Variants in TDP1 observed in about 807,000 individuals in gnomAD.
TDP1 encodes tyrosyl-DNA phosphodiesterase 1, also known as tyr-DNA phosphodiesterase 1.
Under a neutral mutation model 81.5 loss-of-function variants are expected in TDP1, and 64 were observed. The observed-to-expected ratio is 0.79, with a 90% CI of 0.64 to 0.97. The LOEUF is 0.97. Among genes scored for constraint, TDP1 ranks in the 50% least tolerant of loss-of-function variants. The probability of loss-of-function intolerance (pLI) is 0.00; values close to 1 mark genes in which losing one functional copy is unlikely to be tolerated. For missense variants in TDP1, 723 were observed against 743.8 expected, an observed-to-expected ratio of 0.97 and a Z score of 0.33; for synonymous variants, 256 against 264.3, an observed-to-expected ratio of 0.97 and a Z score of 0.30.
intron 1 of TDP1, chr14:89,956,284 T>G (rs1370388170): frequency 2.6e-5 from 4 of 152,262 alleles, no homozygotes; most frequent in African/African-American, 9.6e-5. Context: ...TACAGGTGCG[T>G]GGTCCCAGAA....
chr14:90,011,419 G>A (rs182266987), intron 14 of TDP1, among the ~76,000 whole-genome samples: 37 of 152,288 alleles, frequency 2.4e-4, no homozygotes, highest in African/African-American at 8.9e-4. Flanking sequence ...GGGAAAGTGG[G>A]AACTTCCTAG....
chr14:90,006,685 C>T (rs1897724230), intron 14 of TDP1, among the ~76,000 whole-genome samples: 4 of 151,980 alleles, frequency 2.6e-5, no homozygotes, highest in Admixed American at 2.0e-4. Context: ...TACAGGTGCC[C>T]GCGACCAAGC....
chr14:89,963,452 A>G lies in TDP1; in HGVS notation c.338A>G (p.Glu113Gly), dbSNP rs756683358. The change falls in exon 3 of 17, where the codon GAG becomes GGG. Residue 113 changes from glutamate (E) to glycine (G), a missense_variant. By Grantham distance (98) the Glu-to-Gly change is moderately conservative. Transcript: ENST00000335725. ...KQAEKVVIKK[E>G]KDISAPNDGT... ...GCTGAGAAAGTGGTGATCAAAAAGG[A>G]GAAAGACATCTCTGCTCCCAATGAC... 3 of 1,613,166 alleles carry G rather than the reference A, an allele frequency of 1.9e-6. No homozygotes were observed. The highest frequency in any genetic ancestry group is 3.3e-5 in the Admixed American group (2 of 59,896).
Position 89,975,823 on chromosome 14 carries a change from C to CT in TDP1, c.791+13dup, listed in dbSNP as rs1297967044. 1 of 1,610,466 alleles carries CT rather than the reference C, an allele frequency of 6.2e-7. No individual in the cohort carries two copies. The highest frequency in any genetic ancestry group is 1.3e-5 in the African/African-American group (1 of 74,846). On this transcript the variant is annotated intron_variant, in intron 7 of 16. Coordinates refer to ENST00000335725, the MANE Select transcript of TDP1 (RefSeq NM_018319.4). ...GTTTGGAACACACCACACGTAAGCACTTTTTGTGAAATAGGGGAACCCCTC... is the reference window on the plus strand; with the variant it reads ...GTTTGGAACACACCACACGTAAGCACTTTTTTGTGAAATAGGGGAACCCCTC...
chr14:90,029,397 C>G (rs981529714), intron 15 of TDP1, among the ~76,000 whole-genome samples: 15 of 151,866 alleles, frequency 9.9e-5, no homozygotes, highest in African/African-American at 3.4e-4. Context: ...TGGGGTTTCT[C>G]CGTGTTGGCC....
Position 89,963,058 on chromosome 14 carries a change from C to T in TDP1, c.-7-50C>T. ...GTTGAGAGCAATAAAGTTATTTTGC[C>T]AATGCCCTGATGAATGGGAAATGCT... On this transcript the variant is annotated intron_variant, in intron 2 of 16. Transcript: ENST00000335725. The T allele has an allele frequency of 2.5e-6, 4 of 1,613,606 alleles. No homozygotes were observed. The South Asian group carries it at 4.4e-5, about 18-fold the overall frequency.
chr14:89,992,529 T>C (rs1289143917), intron 13 of TDP1, among the ~76,000 whole-genome samples: 1 of 152,194 alleles, frequency 6.6e-6, no homozygotes, highest in Non-Finnish European at 1.5e-5. Flanking sequence ...TCTCAACAGG[T>C]GTTTGCTGTG....
intron 14 of TDP1, among the ~76,000 whole-genome samples, chr14:90,006,920 A>C (rs950759684): frequency 6.6e-5 from 10 of 152,088 alleles, no homozygotes; most frequent in Middle Eastern, 3.2e-3. Context: ...CCTGAGCTCA[A>C]AACTCTCTAT....
intron 14 of TDP1, among the ~76,000 whole-genome samples, chr14:89,997,631 C>T (rs1413741294): frequency 2.6e-5 from 4 of 152,084 alleles, no homozygotes; most frequent in South Asian, 2.1e-4. Flanking sequence ...GAGAATATAG[C>T]GGATCAACGC....
intron 14 of TDP1, among the ~76,000 whole-genome samples, chr14:89,996,171 G>A (rs1415838294): frequency 6.6e-6 from 1 of 152,158 alleles, no homozygotes; most frequent in Non-Finnish European, 1.5e-5. Context: ...CACTCATCCT[G>A]GTTGCCCATG....
intron 14 of TDP1, among the ~76,000 whole-genome samples, chr14:90,003,853 A>G (rs945852781): frequency 6.6e-6 from 1 of 152,176 alleles, no homozygotes; most frequent in Non-Finnish European, 1.5e-5. Flanking sequence ...TCTGCTTTTC[A>G]ATATTACTAT....
At chr14:90,040,096 G>C (rs1888219577) in intron 16 of TDP1, among the ~76,000 whole-genome samples, 1 of 152,102 alleles carries the variant, frequency 6.6e-6, no homozygotes, top group Non-Finnish European at 1.5e-5. Flanking sequence ...AAAACCACAT[G>C]GGCTGTCATT....
At chr14:89,999,514 T>C (rs1479671285) in intron 14 of TDP1, among the ~76,000 whole-genome samples, 4 of 152,244 alleles carry the variant, frequency 2.6e-5, no homozygotes, top group African/African-American at 4.8e-5. Flanking sequence ...TTTTCTACTT[T>C]ATTATTACTG....
chr14:89,980,985 G>A (rs896934559), intron 8 of TDP1, among the ~76,000 whole-genome samples: 2 of 152,168 alleles, frequency 1.3e-5, no homozygotes, highest in Admixed American at 6.5e-5. Context: ...AGAGATCTGA[G>A]GCAGAAAAGG....
chr14:89,989,445 CTG>C, intron 11 of TDP1: 1 of 980,808 alleles, frequency 1.0e-6, no homozygotes, highest in Non-Finnish European at 1.2e-6. Flanking sequence ...ATTTAGAGAA[CTG>C]TGAATTAATA....
intron 7 of TDP1, chr14:89,980,205 C>T (rs879571516): frequency 6.4e-5 from 63 of 985,410 alleles, no homozygotes; most frequent in Middle Eastern, 5.2e-4. Flanking sequence ...ATCTCAAACA[C>T]CAGACCAGAA....
At chr14:90,041,559 G>C (rs574445823) in intron 16 of TDP1, among the ~76,000 whole-genome samples, 1 of 152,300 alleles carries the variant, frequency 6.6e-6, no homozygotes, top group Admixed American at 6.5e-5. Context: ...ACCTTCCTGT[G>C]ACCTACCATC....
At chr14:89,959,639 T>G (rs1892100090) in intron 2 of TDP1, among the ~76,000 whole-genome samples, 1 of 152,212 alleles carries the variant, frequency 6.6e-6, no homozygotes, top group Non-Finnish European at 1.5e-5. Context: ...AAAAAAAGGC[T>G]TTGTTCTCTA....
intron 8 of TDP1, chr14:89,984,234 C>T: frequency 3.0e-6 from 3 of 985,322 alleles, no homozygotes; most frequent in Non-Finnish European, 3.6e-6. Flanking sequence ...GAAGGTTTGG[C>T]AAGTGAGAGG....
Sources: gnomAD v4.1 joint callset for allele counts (sites outside exome capture counted in the v4.1 genomes callset) on GRCh38, gnomAD v4.1.1 for gene constraint, MANE v1.5 for transcripts, NCBI Gene and HGNC (gene_info 2026-07-23, HGNC 2026-07-21) for gene names.